ADIPOR1: variants seen among roughly 807,000 people sequenced by gnomAD.
The protein encoded by ADIPOR1 is adiponectin receptor 1.
Under a neutral mutation model 37.5 loss-of-function variants are expected in ADIPOR1, and 15 were observed. The observed-to-expected ratio is 0.40, with a 90% CI of 0.27 to 0.62. ADIPOR1 has a LOEUF of 0.62. ADIPOR1 is among the 20% of genes least tolerant of loss of function. The pLI is 0.42. For synonymous variants in ADIPOR1, 173 were observed against 173.2 expected, an observed-to-expected ratio of 1.00 and a Z score of 0.01; for missense variants, 286 against 478.0, an observed-to-expected ratio of 0.60 and a Z score of 3.75.
chr1:202,945,058 A>ATG lies in ADIPOR1; in HGVS notation c.541_542insCA (p.Val181AlafsTer36). 6.2e-7 allele frequency: 1 copy of ATG among 1,614,214 alleles called. No individual in the cohort carries two copies. Among genetic ancestry groups the ATG allele is most frequent in the Non-Finnish European group, 8.5e-7 (1 of 1,180,036 alleles). On this transcript the variant is annotated frameshift_variant, in exon 5 of 8. Coordinates refer to ENST00000340990, the MANE Select transcript of ADIPOR1 (RefSeq NM_015999.6). LOFTEE classifies it high-confidence loss of function. ...GAGCCAGGAGAAGCTGAGGCAGAGCACTGCACCCAAAAAGAACATCCCAAA... is the reference window on the plus strand; with the variant it reads ...GAGCCAGGAGAAGCTGAGGCAGAGCATGCTGCACCCAAAAAGAACATCCCAAA...
chr1:202,947,284 G>C (rs1654369661), intron 3 of ADIPOR1, among the ~76,000 whole-genome samples: 1 of 152,176 alleles, frequency 6.6e-6, no homozygotes, highest in African/African-American at 2.4e-5. Flanking sequence ...CACTTTGGGA[G>C]GCTGAGGCGG....
intron 1 of ADIPOR1, among the ~76,000 whole-genome samples, chr1:202,952,379 A>G (rs116719616): frequency 0.029 from 4,464 of 152,238 alleles, 214 homozygotes; most frequent in African/African-American, 0.1. Flanking sequence ...AATCTTTTAT[A>G]TTGGGCAGTA....
chr1:202,946,733 G>C, intron 3 of ADIPOR1, 123 bp from the exon 4 acceptor site: 1 of 950,522 alleles, frequency 1.1e-6, no homozygotes, highest in Admixed American at 2.2e-5. Flanking sequence ...GGTAATAGTG[G>C]AGAACCAGCC....
Position 202,946,474 on chromosome 1 carries a change from T to C in ADIPOR1, c.395A>G (p.His132Arg). 1 of 1,614,096 alleles carries C rather than the reference T, an allele frequency of 6.2e-7. No homozygotes were observed. The highest frequency in any genetic ancestry group is 8.5e-7 in the Non-Finnish European group (1 of 1,180,022). Residue 132 changes from histidine (H) to arginine (R), a missense_variant, in exon 4 of 8, where the codon CAT (histidine) becomes CGT (arginine). Physicochemically the swap from His to Arg is conservative, Grantham distance 29. Coordinates refer to ENST00000340990, the MANE Select transcript of ADIPOR1 (RefSeq NM_015999.6). ...GGTCCAGATGTTGCCAGTTTCTGTATGAATGCGGAAGATGCTCTTGAAGCA... is the reference window on the plus strand; with the variant it reads ...GGTCCAGATGTTGCCAGTTTCTGTACGAATGCGGAAGATGCTCTTGAAGCA... ...RACFKSIFRI[H>R]TETGNIWTHL... is the part of the protein sequence containing the mutation.
chr1:202,944,120 G>T lies in ADIPOR1; in HGVS notation c.618-175C>A, dbSNP rs1032656024. On this transcript the variant is annotated intron_variant, in intron 5 of 7. Transcript: ENST00000340990. ...GTATTCTGGATTAAAATTCCACAAG[G>T]TCACTTCTATTTTACGATGGAAAAA... The T allele has an allele frequency of 1.4e-5, 8 of 570,566 alleles. No homozygotes were observed. The African/African-American group carries it at 1.5e-4, about 11-fold the overall frequency. The allele number at this position is 570,566 out of a possible 1,614,324, so 35.3% of individuals were successfully genotyped here.
At chr1:202,944,123 A>G (rs1654209471) in intron 5 of ADIPOR1, 178 bp from the exon 6 acceptor site, 1 of 567,016 alleles carries the variant, frequency 1.8e-6, no homozygotes, top group Non-Finnish European at 3.0e-6. Flanking sequence ...CCACAAGGTC[A>G]CTTCTATTTT....
chr1:202,952,817 G>A (rs1191807249), intron 1 of ADIPOR1, among the ~76,000 whole-genome samples: 3 of 152,062 alleles, frequency 2.0e-5, no homozygotes, highest in Non-Finnish European at 4.4e-5. Context: ...GTATCCTATT[G>A]GTGCTTTCTG....
At position 202,958,245 on chromosome 1, in the gene ADIPOR1, G is replaced by T. The variant is rs1011825002; in HGVS notation, c.-155C>A. The T allele has an allele frequency of 6.6e-6, 1 of 151,846 alleles. No homozygotes were observed. The highest frequency in any genetic ancestry group is 2.4e-5 in the African/African-American group (1 of 41,208). 9.4% of individuals were successfully genotyped at this position (151,846 alleles called of 1,614,324 possible). A position where few individuals can be genotyped will look rare whatever the true frequency, so the allele number is the denominator to read the frequency against. On this transcript the variant is annotated 5_prime_UTR_variant, in exon 1 of 8. Coordinates refer to ENST00000340990, the MANE Select transcript of ADIPOR1 (RefSeq NM_015999.6). The stretch of plus-strand genomic sequence containing the variant: ...CCCCGCGCTACATCCCGCGGCGCTG[G>T]AGGCGGCCTGCGGCCGAGCGGCCCC...
chr1:202,945,001 AC>A lies in ADIPOR1; in HGVS notation c.598del (p.Val200SerfsTer16). ...AACTCACTTGGAAAAAGTCCGAGAG[AC>A]TTTCTCTGAATGACAATAGACGGTG... Reference protein sequence around the residue: ...FHTVYCHSEKVSRTFSKLDYS... With the variant: ...FHTVYCHSEKXSRTFSKLDYS... On this transcript the variant is annotated frameshift_variant, in exon 5 of 8. Coordinates refer to ENST00000340990, the MANE Select transcript of ADIPOR1 (RefSeq NM_015999.6). LOFTEE classifies it high-confidence loss of function. The A allele has an allele frequency of 6.2e-7, 1 of 1,611,122 alleles. No individual in the cohort carries two copies. Among genetic ancestry groups the A allele is most frequent in the Non-Finnish European group, 8.5e-7 (1 of 1,179,208 alleles).
At chr1:202,946,278 TC>T (rs1462541674) in intron 4 of ADIPOR1, among the ~76,000 whole-genome samples, 160 bp downstream of exon 4, 2 of 152,160 alleles carry the variant, frequency 1.3e-5, no homozygotes, top group African/African-American at 4.8e-5. Flanking sequence ...GTCTTAAAGA[TC>T]AGTGATCAAG....
intron 2 of ADIPOR1, among the ~76,000 whole-genome samples, chr1:202,949,303 G>A (rs369342103): frequency 8.6e-5 from 13 of 151,694 alleles, no homozygotes; most frequent in Admixed American, 1.3e-4. Flanking sequence ...CCAGAGGGCC[G>A]GGCGCGGTGG....
intron 1 of ADIPOR1, among the ~76,000 whole-genome samples, 174 bp downstream of exon 1, chr1:202,958,011 T>A (rs989835009): frequency 6.6e-6 from 1 of 152,140 alleles, no homozygotes; most frequent in African/African-American, 2.4e-5. Flanking sequence ...GTTTACAACC[T>A]GACCGGCTGG....
chr1:202,949,346 C>T (rs570734485), intron 2 of ADIPOR1, among the ~76,000 whole-genome samples: 8 of 150,854 alleles, frequency 5.3e-5, no homozygotes, highest in South Asian at 2.1e-4. Flanking sequence ...TTTGGGAGGC[C>T]GAGGCGGGCG....
In ADIPOR1 at chr1:202,945,126, T is replaced by A. The variant is rs146792118; in HGVS notation, c.474A>T (p.Arg158Ser). 2 of 1,613,696 alleles carry A rather than the reference T, an allele frequency of 1.2e-6. No individual in the cohort carries two copies. Among genetic ancestry groups the A allele is most frequent in the Non-Finnish European group, 1.7e-6 (2 of 1,179,878 alleles). The change falls in exon 5 of 8, where the codon AGA becomes AGT. Residue 158 changes from arginine (R) to serine (S), a missense_variant. Physicochemically the swap from Arg to Ser is moderately radical, Grantham distance 110. Coordinates refer to ENST00000340990, the MANE Select transcript of ADIPOR1 (RefSeq NM_015999.6). ...GAGGGGCCATGAAGTACATATTTGG[T>A]CTGAGCATGGTCAAGATTCCCAAAA... ...FLFLGILTML[R>S]PNMYFMAPLQ...
At chr1:202,948,443 C>A (rs1276137543) in intron 2 of ADIPOR1, 23 bp from the exon 3 acceptor site, 1 of 1,596,584 alleles carries the variant, frequency 6.3e-7, no homozygotes, top group East Asian at 2.2e-5. Context: ...AAACCCACAA[C>A]AATCCAGGGA....
intron 1 of ADIPOR1, among the ~76,000 whole-genome samples, chr1:202,957,455 C>T (rs561373897): frequency 1.3e-4 from 19 of 148,850 alleles, no homozygotes; most frequent in Admixed American, 5.3e-4. Context: ...CCAAAGAGCA[C>T]CAGAAACTGA....
chr1:202,943,370 A>C (rs1654178209), intron 6 of ADIPOR1, among the ~76,000 whole-genome samples: 2 of 152,236 alleles, frequency 1.3e-5, no homozygotes, highest in Admixed American at 1.3e-4. Flanking sequence ...TTCATTCACC[A>C]AACCAGGTAT....
chr1:202,945,600 G>A (rs1654276752), intron 4 of ADIPOR1, among the ~76,000 whole-genome samples: 1 of 152,168 alleles, frequency 6.6e-6, no homozygotes, highest in Non-Finnish European at 1.5e-5. Flanking sequence ...CTAAAGATAT[G>A]GAACCAACCT....
intron 3 of ADIPOR1, among the ~76,000 whole-genome samples, chr1:202,947,549 C>T (rs1028764521): frequency 6.6e-6 from 1 of 151,982 alleles, no homozygotes; most frequent in African/African-American, 2.4e-5. Context: ...GGTACAACCT[C>T]CTTTAGGCTA....
Sources: gnomAD v4.1 joint callset for allele counts (sites outside exome capture counted in the v4.1 genomes callset) on GRCh38, gnomAD v4.1.1 for gene constraint, MANE v1.5 for transcripts, NCBI Gene and HGNC (gene_info 2026-07-23, HGNC 2026-07-21) for gene names.